Variants in TRMT44 observed in about 807,000 individuals in gnomAD.
TRMT44 encodes the protein probable tRNA (uracil-O(2)-)-methyltransferase.
Under a neutral mutation model 77.3 loss-of-function variants are expected in TRMT44, and 78 were observed. That is an observed-to-expected ratio of 1.01 (90% CI 0.84 to 1.22). The LOEUF is 1.22. Ranked by LOEUF, TRMT44 falls within the 50% of genes most tolerant of loss-of-function variation. The pLI, the probability that TRMT44 is intolerant of heterozygous loss-of-function variation, is 0.00. For missense variants in TRMT44, 1,090 were observed against 964.4 expected, an observed-to-expected ratio of 1.13 and a Z score of -1.73; for synonymous variants, 391 against 383.3, an observed-to-expected ratio of 1.02 and a Z score of -0.23.
At chr4:8,508,119 C>G in the TRMT44 span, among the ~76,000 whole-genome samples, 1 of 152,196 alleles carries the variant, frequency 6.6e-6, no homozygotes, top group African/African-American at 2.4e-5. Flanking sequence ...GTTGGCCAGA[C>G]TGGTCTCGAA....
At chr4:8,450,599 A>G (rs1280321636) in intron 3 of TRMT44, among the ~76,000 whole-genome samples, 3 of 152,238 alleles carry the variant, frequency 2.0e-5, no homozygotes, top group Non-Finnish European at 4.4e-5. Context: ...ATGTAAAAAC[A>G]GTATAACAAG....
At chr4:8,481,658 T>G (rs1415635283) in intron 2 of TRMT44, among the ~76,000 whole-genome samples, 1 of 152,258 alleles carries the variant, frequency 6.6e-6, no homozygotes, top group African/African-American at 2.4e-5. Context: ...CTTTTCTCTT[T>G]ATGCTTTTTT....
chr4:8,486,038 A>G lies in TRMT44; in HGVS notation n.3891+6505A>G, dbSNP rs139506788. Among the ~76,000 whole-genome samples the G allele has an allele frequency of 3.8e-3, 573 of 152,286 alleles. 3 individuals are homozygous for G. The highest frequency in any genetic ancestry group is 0.013 in the African/African-American group (541 of 41,562). On this transcript the variant is annotated intron_variant and non_coding_transcript_variant, in intron 2 of 2. Coordinates refer to the TRMT44 transcript ENST00000511366. ...CTTCCAAGGTGATCGGGCAGCGTCA[A>G]TCTTCAGTTGCTAAGCCAAGAAGAT...
At chr4:8,450,938 C>T (rs915098651) in intron 3 of TRMT44, among the ~76,000 whole-genome samples, 39 of 152,022 alleles carry the variant, frequency 2.6e-4, no homozygotes, top group Middle Eastern at 3.4e-3. Context: ...GCAGATGCTA[C>T]CATGCCTGGC....
chr4:8,490,597 G>T (rs1012480468), intron 2 of TRMT44, among the ~76,000 whole-genome samples: 1 of 152,050 alleles, frequency 6.6e-6, no homozygotes, highest in East Asian at 1.9e-4. Flanking sequence ...CCTCCCCGTG[G>T]GCTCGTGGTC....
At chr4:8,489,703 C>G (rs1727934152) in intron 2 of TRMT44, among the ~76,000 whole-genome samples, 1 of 152,148 alleles carries the variant, frequency 6.6e-6, no homozygotes, top group Admixed American at 6.5e-5. Flanking sequence ...GTCTCAAACT[C>G]CTGACCTCAG....
At chr4:8,463,241 C>T (rs777884426) in intron 6 of TRMT44, among the ~76,000 whole-genome samples, 4 of 152,170 alleles carry the variant, frequency 2.6e-5, no homozygotes, top group Non-Finnish European at 4.4e-5. Context: ...TCTTCCCCCT[C>T]TCTCTTTCCA....
the TRMT44 span, among the ~76,000 whole-genome samples, chr4:8,514,574 C>T: frequency 6.6e-6 from 1 of 151,966 alleles, no homozygotes; most frequent in Non-Finnish European, 1.5e-5. Flanking sequence ...ACTGCGTGCA[C>T]TACCTTTTAC....
At chr4:8,488,658 C>T (rs998867976) in intron 2 of TRMT44, among the ~76,000 whole-genome samples, 10 of 152,212 alleles carry the variant, frequency 6.6e-5, no homozygotes, top group African/African-American at 1.7e-4. Context: ...TGGGCATACA[C>T]GTGCAAGTCA....
chr4:8,462,049 G>A (rs1028339692), intron 6 of TRMT44, among the ~76,000 whole-genome samples: 3 of 152,198 alleles, frequency 2.0e-5, no homozygotes, highest in Non-Finnish European at 2.9e-5. Flanking sequence ...ATCACAAATT[G>A]TCTTAATTGT....
chr4:8,451,095 T>C lies in TRMT44; in HGVS notation c.955-865T>C, dbSNP rs1213556989. Reference sequence around the variant, plus strand: ...TGTATTTTTTTAATCAGTCACGTCTTGCTCTGTAACAAAAGCACCCCAAAG... The same window carrying C: ...TGTATTTTTTTAATCAGTCACGTCTCGCTCTGTAACAAAAGCACCCCAAAG... On this transcript the variant is annotated intron_variant, in intron 3 of 10. Transcript: ENST00000389737. The surrounding 1 kb of genome is among the most constrained non-coding windows in gnomAD (Gnocchi z 4.1). Among the ~76,000 whole-genome samples, 1 of 152,100 alleles carries C rather than the reference T, an allele frequency of 6.6e-6. No individual in the cohort carries two copies. Among genetic ancestry groups the C allele is most frequent in the Admixed American group, 6.5e-5 (1 of 15,276 alleles).
chr4:8,484,216 G>T (rs574348165), intron 2 of TRMT44, among the ~76,000 whole-genome samples: 1 of 152,296 alleles, frequency 6.6e-6, no homozygotes, highest in African/African-American at 2.4e-5. Flanking sequence ...GAAATGGGGT[G>T]AACGTCAGGT....
intron 1 of TRMT44, among the ~76,000 whole-genome samples, chr4:8,445,563 G>A (rs147197521): frequency 1.3e-5 from 2 of 152,268 alleles, no homozygotes; most frequent in East Asian, 1.9e-4. Context: ...CTTCTTCCAG[G>A]TGCCCCATGG....
intron 8 of TRMT44, 97 bp downstream of exon 8, chr4:8,465,658 CA>C (rs1434078902): frequency 1.8e-6 from 2 of 1,128,798 alleles, no homozygotes; most frequent in Non-Finnish European, 2.5e-6. Flanking sequence ...CTGTAACGTT[CA>C]AAATGTTCTA....
rs372544426 is a variant in TRMT44, at chr4:8,471,422, G to A, written c.2044+222G>A. Reference sequence around the variant, plus strand: ...TGCTCCTCTGGACCTCGTCCCATGCGATGTCCCCAGGCTGGTCTCTCTCCC... The same window carrying A: ...TGCTCCTCTGGACCTCGTCCCATGCAATGTCCCCAGGCTGGTCTCTCTCCC... On this transcript the variant is annotated intron_variant, in intron 10 of 10. Transcript: ENST00000389737. Among the ~76,000 whole-genome samples, 5 of 152,290 alleles carry A rather than the reference G, an allele frequency of 3.3e-5. No homozygotes were observed. In the East Asian group the frequency reaches 9.7e-4, roughly 29 times the overall value.
rs542469488 is a variant in TRMT44, at chr4:8,452,833, C to T, written c.1024-49C>T. ...CCAGTTTGTGTCTAAATTATTCTTG[C>T]GTAGAGTGAATTACCACCTGACTTT... On this transcript the variant is annotated intron_variant, in intron 4 of 10. Coordinates refer to ENST00000389737, the MANE Select transcript of TRMT44 (RefSeq NM_152544.3). The surrounding 1 kb of genome is among the most constrained non-coding windows in gnomAD (Gnocchi z 5.7). The T allele has an allele frequency of 4.2e-5, 47 of 1,109,598 alleles. No homozygotes were observed. The highest frequency in any genetic ancestry group is 5.0e-5 in the Non-Finnish European group (39 of 779,660). The allele number at this position is 1,109,598 out of a possible 1,614,324, so 68.7% of individuals were successfully genotyped here. A position where few individuals can be genotyped will look rare whatever the true frequency, so the allele number is the denominator to read the frequency against.
At chr4:8,500,495 G>A in the TRMT44 span, among the ~76,000 whole-genome samples, 1 of 151,490 alleles carries the variant, frequency 6.6e-6, no homozygotes, top group African/African-American at 2.4e-5. Context: ...GACTCCCTCT[G>A]GAAAAAATAA....
chr4:8,493,512 C>T (rs1439491667), exon 3 of TRMT44: 1 of 152,170 alleles, frequency 6.6e-6, no homozygotes, highest in Non-Finnish European at 1.5e-5. Flanking sequence ...TCCGGTCTTC[C>T]ACACGGCCGA....
chr4:8,459,524 T>C (rs972035635), intron 6 of TRMT44, among the ~76,000 whole-genome samples: 1 of 152,314 alleles, frequency 6.6e-6, no homozygotes, highest in African/African-American at 2.4e-5. Context: ...TGACCATCTG[T>C]TTTCAGATTA....
Sources: gnomAD v4.1 joint callset for allele counts (sites outside exome capture counted in the v4.1 genomes callset) on GRCh38, gnomAD v4.1.1 for gene constraint, Gnocchi (gnomAD v3.1) non-coding constraint, MANE v1.5 for transcripts, NCBI Gene and HGNC (gene_info 2026-07-23, HGNC 2026-07-21) for gene names.